The following PLCB1 variants were observed in gnomAD, a reference collection of about 807,000 sequenced individuals.
PLCB1 encodes 1-phosphatidylinositol 4,5-bisphosphate phosphodiesterase beta-1.
PLCB1 carries 46 observed loss-of-function variants against 161.8 expected under a neutral mutation model. The ratio of observed to expected loss-of-function variants is 0.28; its 90% CI spans 0.22 to 0.36. The LOEUF (loss-of-function observed/expected upper bound fraction) is 0.36. Ranked by LOEUF, PLCB1 falls within the 10% of genes least tolerant of loss-of-function variation. PLCB1 has a pLI of 1.00. For missense variants in PLCB1, 1,016 were observed against 1,472.5 expected (o/e 0.69, Z 5.07); for synonymous variants, 517 against 503.7 (o/e 1.03, Z -0.35).
At chr20:8,514,934 C>A (rs549257857) in intron 3 of PLCB1, among the ~76,000 whole-genome samples, 2 of 152,228 alleles carry the variant, frequency 1.3e-5, no homozygotes, top group African/African-American at 4.8e-5. Flanking sequence ...GGCTAAGATT[C>A]TGAGTTTCCA....
chr20:8,392,451 C>G (rs1330266152), intron 3 of PLCB1, among the ~76,000 whole-genome samples: 1 of 152,220 alleles, frequency 6.6e-6, no homozygotes, highest in Non-Finnish European at 1.5e-5. Context: ...CACACATAGA[C>G]TAAGATACTA....
At chr20:8,333,338 A>G (rs1243633002) in intron 2 of PLCB1, among the ~76,000 whole-genome samples, 3 of 152,238 alleles carry the variant, frequency 2.0e-5, no homozygotes, top group Admixed American at 2.0e-4. Flanking sequence ...TAGTGCCAAA[A>G]GTAAAAAGTG....
intron 26 of PLCB1, among the ~76,000 whole-genome samples, chr20:8,767,898 T>C (rs1982434307): frequency 6.6e-6 from 1 of 152,106 alleles, no homozygotes; most frequent in East Asian, 1.9e-4. Flanking sequence ...AAAATCAAGG[T>C]GTTGGCTGGG....
At chr20:8,459,324 A>G (rs1981466773) in intron 3 of PLCB1, among the ~76,000 whole-genome samples, 2 of 152,210 alleles carry the variant, frequency 1.3e-5, no homozygotes, top group Non-Finnish European at 1.5e-5. Context: ...ATGGATTAAT[A>G]TAGATCCTGG....
chr20:8,572,658 T>G (rs1176899198), intron 3 of PLCB1, among the ~76,000 whole-genome samples: 1 of 152,188 alleles, frequency 6.6e-6, no homozygotes, highest in Non-Finnish European at 1.5e-5. Context: ...CTTGCACATA[T>G]CTCCTCTGCT....
chr20:8,257,564 A>G (rs897711166), intron 2 of PLCB1, among the ~76,000 whole-genome samples: 2 of 152,152 alleles, frequency 1.3e-5, no homozygotes, highest in Admixed American at 6.6e-5. Context: ...TGTGTTCTAC[A>G]TTATTTAATC....
chr20:8,790,290 T>C, intron 31 of PLCB1, 29 bp downstream of exon 31: 1 of 1,523,286 alleles, frequency 6.6e-7, no homozygotes. Flanking sequence ...AAATGAACAA[T>C]TATTTTATTT....
intron 2 of PLCB1, among the ~76,000 whole-genome samples, chr20:8,334,025 C>T (rs376983836): frequency 6.6e-6 from 1 of 152,144 alleles, no homozygotes; most frequent in East Asian, 1.9e-4. Context: ...GCATGACCAA[C>T]ATAAAGAAAC....
At chr20:8,498,516 T>G (rs1032852414) in intron 3 of PLCB1, among the ~76,000 whole-genome samples, 32 of 152,166 alleles carry the variant, frequency 2.1e-4, no homozygotes, top group African/African-American at 7.7e-4. Context: ...TGGGGTACAG[T>G]GGCAAAATAA....
intron 31 of PLCB1, among the ~76,000 whole-genome samples, chr20:8,819,633 A>G (rs6056160): frequency 0.09 from 13,704 of 152,118 alleles, 1,776 homozygotes; most frequent in African/African-American, 0.29. Context: ...TCCTTTGCTA[A>G]CCATGAGGGA....
intron 2 of PLCB1, among the ~76,000 whole-genome samples, chr20:8,320,376 G>T (rs1984856678): frequency 6.6e-6 from 1 of 152,132 alleles, no homozygotes. Flanking sequence ...TTTTTAGGAG[G>T]TAAGTATTAG....
At chr20:8,443,706 T>C (rs1299313125) in intron 3 of PLCB1, among the ~76,000 whole-genome samples, 1 of 152,210 alleles carries the variant, frequency 6.6e-6, no homozygotes, top group East Asian at 1.9e-4. Context: ...GTTATTTGGT[T>C]ATTCCCTATT....
chr20:8,501,116 C>T (rs6118214), intron 3 of PLCB1, among the ~76,000 whole-genome samples: 2,910 of 152,278 alleles, frequency 0.019, 111 homozygotes, highest in African/African-American at 0.067. Context: ...ACAAGAGGCA[C>T]GCACTGTGGA....
At chr20:8,457,850 C>T (rs899994266) in intron 3 of PLCB1, among the ~76,000 whole-genome samples, 2 of 152,046 alleles carry the variant, frequency 1.3e-5, no homozygotes, top group African/African-American at 4.8e-5. Flanking sequence ...GTGGAATTTC[C>T]CTCTCTGTGC....
intron 3 of PLCB1, among the ~76,000 whole-genome samples, chr20:8,376,497 T>C (rs775014758): frequency 5.3e-5 from 8 of 152,196 alleles, no homozygotes; most frequent in Non-Finnish European, 1.0e-4. Flanking sequence ...ACAGAAGTCA[T>C]TGAGTGACTC....
chr20:8,420,843 T>C (rs1200064340), intron 3 of PLCB1, among the ~76,000 whole-genome samples: 2 of 152,142 alleles, frequency 1.3e-5, no homozygotes, highest in Non-Finnish European at 2.9e-5. Flanking sequence ...TCTGTGAGAG[T>C]AGCAGAAAGG....
chr20:8,824,657 C>T (rs13040543), intron 31 of PLCB1, among the ~76,000 whole-genome samples: 32,052 of 151,912 alleles, frequency 0.21, 4,391 homozygotes, highest in Admixed American at 0.33. Flanking sequence ...CTTGGATTTT[C>T]GAGGCTTAGC....
At chr20:8,818,542 ATAAGT>A (rs772468161) in intron 31 of PLCB1, among the ~76,000 whole-genome samples, 1 of 152,272 alleles carries the variant, frequency 6.6e-6, no homozygotes, top group Non-Finnish European at 1.5e-5. Context: ...TAATCTACAG[ATAAGT>A]TAATGAGTTA....
At chr20:8,582,312 G>A (rs200372511) in intron 3 of PLCB1, among the ~76,000 whole-genome samples, 7 of 152,246 alleles carry the variant, frequency 4.6e-5, no homozygotes, top group East Asian at 1.9e-4. Context: ...AGGAGTTGCC[G>A]TGGCTGGAAT....
Sources: allele counts gnomAD v4.1 joint callset (sites outside exome capture counted in the v4.1 genomes callset), GRCh38; gene constraint gnomAD v4.1.1; transcripts MANE v1.5; gene names NCBI Gene and HGNC (gene_info 2026-07-23, HGNC 2026-07-21).